The following LRRN4 variants were observed in gnomAD, a reference collection of about 807,000 sequenced individuals.
LRRN4 encodes leucine rich repeat neuronal 4.
A neutral mutation model predicts 22.3 loss-of-function variants in LRRN4; 26 were observed. The observed-to-expected ratio is 1.16, with a 90% CI of 0.85 to 1.62. The LOEUF (loss-of-function observed/expected upper bound fraction) is 1.62, where lower values mean the gene tolerates loss of function less well. Ranked by LOEUF, LRRN4 falls within the 40% of genes most tolerant of loss-of-function variation. LRRN4 has a pLI of 0.00. For missense variants in LRRN4, 1,070 were observed against 1,008.5 expected (o/e 1.06, Z -0.83); for synonymous variants, 496 against 486.2 (o/e 1.02, Z -0.26).
intron 4 of LRRN4, among the ~76,000 whole-genome samples, chr20:6,043,514 C>A (rs1981021964): frequency 1.3e-5 from 2 of 152,166 alleles, no homozygotes; most frequent in Admixed American, 1.3e-4. Context: ...TGATGAGACC[C>A]TTGACTGCAA....
At chr20:6,046,471 T>A (rs1981101897) in intron 3 of LRRN4, among the ~76,000 whole-genome samples, 1 of 148,144 alleles carries the variant, frequency 6.8e-6, no homozygotes, top group Non-Finnish European at 1.5e-5. Flanking sequence ...TCACCCAGAG[T>A]CTCACAGAGT....
rs1004609663 is a variant in LRRN4 at position 6,040,688 on chromosome 20, C to G, written c.*334G>C. On this transcript the variant is annotated 3_prime_UTR_variant, in exon 5 of 5. Coordinates refer to ENST00000378858, the MANE Select transcript of LRRN4 (RefSeq NM_152611.5). ...GTTATGCAACTTCTCTGTTTCATCC[C>G]TTCCTACGTCCATACACTATTCTAC... The G allele has an allele frequency of 3.8e-6, 1 of 265,838 alleles. No individual in the cohort carries two copies. Among genetic ancestry groups the G allele is most frequent in the African/African-American group, 2.3e-5 (1 of 44,038 alleles). The allele number at this position is 265,838 out of a possible 1,614,324, so 16.5% of individuals were successfully genotyped here.
intron 3 of LRRN4, among the ~76,000 whole-genome samples, chr20:6,050,501 A>G (rs898623604): frequency 7.2e-5 from 11 of 152,222 alleles, no homozygotes; most frequent in Non-Finnish European, 1.6e-4. Flanking sequence ...TCCCACTGTA[A>G]ATTTCTAAGA....
At chr20:6,048,605 C>T (rs1278995201) in intron 3 of LRRN4, among the ~76,000 whole-genome samples, 4 of 152,166 alleles carry the variant, frequency 2.6e-5, no homozygotes, top group Non-Finnish European at 1.5e-5. Flanking sequence ...TGAATCCTCC[C>T]TATCTGGATT....
chr20:6,045,159 C>T (rs1200150900), intron 3 of LRRN4, among the ~76,000 whole-genome samples: 1 of 148,706 alleles, frequency 6.7e-6, no homozygotes, highest in Non-Finnish European at 1.5e-5. Flanking sequence ...TGTGTGTTGG[C>T]TGGGCACGGT....
Position 6,052,665 on chromosome 20 carries a change from G to C in LRRN4, c.135C>G (p.Asp45Glu), listed in dbSNP as rs1361126383. The C allele has an allele frequency of 6.3e-7, 1 of 1,580,770 alleles. No individual in the cohort carries two copies. ...PWGSSGSNAT[D>E]SPCEGLPAAD... is the part of the protein sequence containing the mutation. ...CGGCGGGCAGCCCCTCGCAGGGCGA[G>C]TCGGTGGCGTTGCTGCCACTGCTCC... Residue 45 changes from aspartate (D) to glutamate (E), a missense_variant, in exon 2 of 5, where the codon GAC (aspartate) becomes GAG (glutamate). Transcript: ENST00000378858.
chr20:6,052,353 G>A lies in LRRN4; in HGVS notation c.447C>T (p.Arg149=). 2 of 1,509,020 alleles carry A rather than the reference G, an allele frequency of 1.3e-6. No homozygotes were observed. Among genetic ancestry groups the A allele is most frequent in the Non-Finnish European group, 1.8e-6 (2 of 1,137,544 alleles). The allele number at this position is 1,509,020 out of a possible 1,614,324, so 93.5% of individuals were successfully genotyped here. A position where few individuals can be genotyped will look rare whatever the true frequency, so the allele number is the denominator to read the frequency against. The change falls in exon 2 of 5, where the codon CGC becomes CGT. Residue 149 remains arginine, a synonymous_variant. Transcript: ENST00000378858. ...PCTGPALSSL[R]ALALAGNPLR... Reference sequence around the variant, plus strand: ...GCGGATTCCCGGCGAGCGCCAGGGCGCGGAGGCTGCTCAGCGCGGGCCCGG... The same window carrying A: ...GCGGATTCCCGGCGAGCGCCAGGGCACGGAGGCTGCTCAGCGCGGGCCCGG...
At position 6,050,947 on chromosome 20, in the gene LRRN4, G is replaced by A. The variant is rs765913123; in HGVS notation, c.692C>T (p.Thr231Ile). 1.2e-4 allele frequency: 188 copies of A among 1,614,050 alleles called. 6 individuals are homozygous for A. The South Asian group carries it at 1.9e-3, about 16-fold the overall frequency. The change falls in exon 3 of 5, where the codon ACA (threonine) becomes ATA (isoleucine). Residue 231 changes from threonine to isoleucine, a missense_variant. By Grantham distance (89) the Thr-to-Ile change is moderately conservative (BLOSUM62 -1). Coordinates refer to ENST00000378858, the MANE Select transcript of LRRN4 (RefSeq NM_152611.5). Reference sequence around the variant, plus strand: ...AGGCATCTTCCTCAGGTAGAGGGATGTGAGCTTCGGCAGGTCTCTGATCCA... The same window carrying A: ...AGGCATCTTCCTCAGGTAGAGGGATATGAGCTTCGGCAGGTCTCTGATCCA... ...SGWIRDLPKLTSLYLRKMPRL... is the reference protein window; with the variant it reads ...SGWIRDLPKLISLYLRKMPRL...
intron 3 of LRRN4, 86 bp from the exon 4 acceptor site, chr20:6,044,766 T>C (rs2123053175): frequency 8.0e-7 from 1 of 1,245,376 alleles, no homozygotes; most frequent in African/African-American, 1.5e-5. Flanking sequence ...GTCAGAACCA[T>C]GCCCATGGTA....
chr20:6,050,997 G>A lies in LRRN4; in HGVS notation c.656-14C>T. The A allele has an allele frequency of 6.2e-7, 1 of 1,612,380 alleles. No individual in the cohort carries two copies. The highest frequency in any genetic ancestry group is 8.5e-7 in the Non-Finnish European group (1 of 1,179,214). The stretch of plus-strand genomic sequence containing the variant: ...ACCCTGACTCAACTGAAACACAGAA[G>A]GGAAACTGCCAACTACTCCAGAACG... On this transcript the variant is annotated splice_polypyrimidine_tract_variant and intron_variant, in intron 2 of 4. Coordinates refer to ENST00000378858, the MANE Select transcript of LRRN4 (RefSeq NM_152611.5).
Position 6,052,140 on chromosome 20 carries a change from C to A in LRRN4, c.655+5G>T. 6.3e-7 allele frequency: 1 copy of A among 1,587,070 alleles called. No homozygotes were observed. The highest frequency in any genetic ancestry group is 8.6e-7 in the Non-Finnish European group (1 of 1,167,730). ...CGGCTGAAAACGCGGGGCGCCCGGA[C>A]TCACCCCGTTCAAGGAACGTGCCGC... On this transcript the variant is annotated splice_donor_5th_base_variant and intron_variant, in intron 2 of 4. Coordinates refer to ENST00000378858, the MANE Select transcript of LRRN4 (RefSeq NM_152611.5).
rs753295986 is a variant in LRRN4 at position 6,042,069 on chromosome 20, G to A, written c.1176C>T (p.Ser392=). 4.3e-6 allele frequency: 7 copies of A among 1,613,928 alleles called. No homozygotes were observed. The South Asian group carries it at 5.5e-5, about 13-fold the overall frequency. The change falls in exon 5 of 5, where the codon AGC becomes AGT. Residue 392 remains serine (S), a synonymous_variant. Coordinates refer to ENST00000378858, the MANE Select transcript of LRRN4 (RefSeq NM_152611.5). ...CCGCAGGCCGGGTGGCGGGGGCTGC[G>A]CTGGGCGCGACGGTGGTACCCTGTG... The part of the protein sequence containing the change: ...TYAQGTTVAP[S]AAPATRPAGD...
Position 6,041,713 on chromosome 20 carries a change from T to C in LRRN4, c.1532A>G (p.Asn511Ser), listed in dbSNP as rs1980958856. 3.1e-6 allele frequency: 5 copies of C among 1,613,144 alleles called. No homozygotes were observed. Among genetic ancestry groups the C allele is most frequent in the East Asian group, 2.2e-5 (1 of 44,826 alleles). Residue 511 changes from asparagine to serine, a missense_variant, in exon 5 of 5, where the codon AAC becomes AGC. Physicochemically the swap from Asn to Ser is conservative, Grantham distance 46 (BLOSUM62 1). Coordinates refer to ENST00000378858, the MANE Select transcript of LRRN4 (RefSeq NM_152611.5). This position sits in a 1 kb window ranked among gnomAD's most constrained non-coding sequence, Gnocchi z 9.4. ...QRTHATPQAP[N>S]PSLSEGEIPV... ...AATCTCGCCCTCGGAAAGACTCGGGTTGGGGGCTTGGGGTGTGGCGTGTGT... is the reference window on the plus strand; with the variant it reads ...AATCTCGCCCTCGGAAAGACTCGGGCTGGGGGCTTGGGGTGTGGCGTGTGT...
Position 6,050,862 on chromosome 20 carries a change from G to C in LRRN4, c.777C>G (p.Asp259Glu). Residue 259 changes from aspartate to glutamate, a missense_variant, in exon 3 of 5, where the codon GAC (aspartate) becomes GAG (glutamate). Transcript: ENST00000378858. ...AAGCAAGTGCTGGGGAGTCCTGACA[G>C]TCCAGCTGCTGCAGGTTGGGGGTCA... The part of the protein sequence containing the change: ...FKMTPNLQQL[D>E]CQDSPALASV... The C allele has an allele frequency of 6.2e-7, 1 of 1,614,130 alleles. No individual in the cohort carries two copies. Among genetic ancestry groups the C allele is most frequent in the Middle Eastern group, 1.6e-4 (1 of 6,062 alleles).
rs750420747 is a variant in LRRN4 at position 6,041,653 on chromosome 20, T to C, written c.1592A>G (p.Glu531Gly). 2.5e-6 allele frequency: 4 copies of C among 1,608,656 alleles called. No individual in the cohort carries two copies. In the Admixed American group the frequency reaches 5.0e-5, roughly 20 times the overall value. The change falls in exon 5 of 5, where the codon GAG becomes GGG. Residue 531 changes from glutamate to glycine, a missense_variant. Physicochemically the swap from Glu to Gly is moderately conservative, Grantham distance 98. Coordinates refer to ENST00000378858, the MANE Select transcript of LRRN4 (RefSeq NM_152611.5). This position sits in a 1 kb window ranked among gnomAD's most constrained non-coding sequence, Gnocchi z 9.4. ...TCCCACCTCCTCCTTCCTCCCTTCC[T>C]CCTCCTCACTGTAGTCGTCCAGCAG... is the stretch of plus-strand genomic sequence containing the variant. ...VLLLDDYSEE[E>G]EGRKEEVGTP...
chr20:6,049,755 G>C (rs1041811296), intron 3 of LRRN4, among the ~76,000 whole-genome samples: 4 of 151,598 alleles, frequency 2.6e-5, no homozygotes, highest in African/African-American at 9.7e-5. Context: ...CACCCACCTC[G>C]GCCTCCCAAA....
chr20:6,052,103 C>G lies in LRRN4; in HGVS notation c.655+42G>C, dbSNP rs773204003. On this transcript the variant is annotated intron_variant, in intron 2 of 4. Transcript: ENST00000378858. ...CCCGGAGCGCACGCGCAGCCTGGCT[C>G]TGCGCTCAGGCCGGCTGAAAACGCG... The G allele has an allele frequency of 3.2e-6, 5 of 1,545,408 alleles. No homozygotes were observed. In the African/African-American group the frequency reaches 7.0e-5, roughly 22 times the overall value.
In LRRN4 at chr20:6,042,073, G is replaced by A. The variant is rs778600524; in HGVS notation, c.1172C>T (p.Pro391Leu). ...AGGCCGGGTGGCGGGGGCTGCGCTG[G>A]GCGCGACGGTGGTACCCTGTGCGTA... is the stretch of plus-strand genomic sequence containing the variant. Reference protein sequence around the residue: ...STYAQGTTVAPSAAPATRPAG... With the variant: ...STYAQGTTVALSAAPATRPAG... Residue 391 changes from proline to leucine, a missense_variant, in exon 5 of 5, where the codon CCC becomes CTC. Transcript: ENST00000378858. 40 of 1,614,076 alleles carry A rather than the reference G, an allele frequency of 2.5e-5. No homozygotes were observed. The highest frequency in any genetic ancestry group is 3.3e-5 in the Admixed American group (2 of 60,020).
chr20:6,051,391 G>A (rs1981242230), intron 2 of LRRN4, among the ~76,000 whole-genome samples: 1 of 152,202 alleles, frequency 6.6e-6, no homozygotes, highest in Non-Finnish European at 1.5e-5. Context: ...ACGTAATTAA[G>A]GAGGCGAGGG....
Sources: allele counts gnomAD v4.1 joint callset (sites outside exome capture counted in the v4.1 genomes callset), GRCh38; gene constraint gnomAD v4.1.1; non-coding constraint Gnocchi (gnomAD v3.1); transcripts MANE v1.5; gene names NCBI Gene and HGNC (gene_info 2026-07-23, HGNC 2026-07-21).